The following XKR6 variants were observed in gnomAD, a reference collection of about 807,000 sequenced individuals.
The protein encoded by XKR6 is XK related 6, also known as XK-related protein 6.
Under a neutral mutation model 56.7 loss-of-function variants are expected in XKR6, and 22 were observed. The ratio of observed to expected loss-of-function variants is 0.39; its 90% CI spans 0.28 to 0.55. XKR6 has a LOEUF of 0.55. Among genes scored for constraint, XKR6 ranks in the 20% least tolerant of loss-of-function variants. The pLI is 0.66. For synonymous variants in XKR6, 524 were observed against 387.8 expected (o/e 1.35, Z -4.13); for missense variants, 852 against 889.0 (o/e 0.96, Z 0.53).
chr8:11,097,674 G>A (rs1464981764), intron 1 of XKR6, among the ~76,000 whole-genome samples: 1 of 151,618 alleles, frequency 6.6e-6, no homozygotes, highest in Non-Finnish European at 1.5e-5. Context: ...GGGCGTGGTG[G>A]TGCACACCTG....
intron 1 of XKR6, among the ~76,000 whole-genome samples, chr8:10,958,599 G>C (rs1801967384): frequency 6.6e-6 from 1 of 152,210 alleles, no homozygotes; most frequent in African/African-American, 2.4e-5. Flanking sequence ...GTAGAAATGG[G>C]TGTGATCACC....
intron 1 of XKR6, among the ~76,000 whole-genome samples, chr8:11,006,078 A>C (rs543053872): frequency 5.3e-5 from 8 of 152,172 alleles, no homozygotes; most frequent in African/African-American, 1.9e-4. Flanking sequence ...TCCTGACCTC[A>C]AGTGATCCGC....
chr8:10,987,791 G>T (rs1399583797), intron 1 of XKR6, among the ~76,000 whole-genome samples: 1 of 152,136 alleles, frequency 6.6e-6, no homozygotes, highest in Non-Finnish European at 1.5e-5. Flanking sequence ...TACCACTTCT[G>T]TCATCTCTAG....
intron 1 of XKR6, chr8:11,108,689 C>G (rs1390290572): frequency 9.4e-6 from 2 of 213,858 alleles, no homozygotes; most frequent in Non-Finnish European, 1.9e-5. Context: ...GAGCGACCTT[C>G]AAGATCTGAT....
chr8:10,906,544 A>G (rs1350986984), intron 2 of XKR6, among the ~76,000 whole-genome samples: 1 of 152,264 alleles, frequency 6.6e-6, no homozygotes, highest in Non-Finnish European at 1.5e-5. Flanking sequence ...ATGCTGGTGA[A>G]AAGTAATTGC....
intron 2 of XKR6, among the ~76,000 whole-genome samples, chr8:10,904,223 C>G (rs1182056426): frequency 6.6e-6 from 1 of 152,196 alleles, no homozygotes; most frequent in East Asian, 1.9e-4. Flanking sequence ...AGCATGCCCA[C>G]TGCGCTGACC....
chr8:10,961,440 T>G (rs1445812697), intron 1 of XKR6, among the ~76,000 whole-genome samples: 1 of 152,140 alleles, frequency 6.6e-6, no homozygotes, highest in African/African-American at 2.4e-5. Context: ...AGAGGCTGGC[T>G]AGGGGCGGCT....
chr8:11,121,565 G>A (rs1214722757), intron 1 of XKR6, among the ~76,000 whole-genome samples: 1 of 152,182 alleles, frequency 6.6e-6, no homozygotes, highest in Non-Finnish European at 1.5e-5. Context: ...GGAGAAACAG[G>A]AACACTTTTA....
At chr8:11,033,276 G>A (rs1478841029) in intron 1 of XKR6, among the ~76,000 whole-genome samples, 1 of 150,434 alleles carries the variant, frequency 6.6e-6, no homozygotes, top group Non-Finnish European at 1.5e-5. Context: ...TGATGGCGAT[G>A]ATGACGATAG....
At chr8:11,027,831 C>T (rs1798903721) in intron 1 of XKR6, among the ~76,000 whole-genome samples, 1 of 152,116 alleles carries the variant, frequency 6.6e-6, no homozygotes, top group Non-Finnish European at 1.5e-5. Flanking sequence ...CCCCCTGGCG[C>T]CTCCTACCTA....
rs182960860 is a variant in XKR6 at position 11,196,188 on chromosome 8, C to G, written c.764+4388G>C. On this transcript the variant is annotated intron_variant, in intron 1 of 2. Transcript: ENST00000416569. ...CCACAAAATCTTAGCATTAGAGGGA[C>G]ATTACAGATCACTTATCCCAACACC... 4.3e-3 allele frequency among the ~76,000 whole-genome samples: 662 copies of G among 152,198 alleles called. 2 individuals carry two copies. The highest frequency in any genetic ancestry group is 0.014 in the Middle Eastern group (4 of 294).
chr8:11,053,610 C>T (rs918050009), intron 1 of XKR6, among the ~76,000 whole-genome samples: 1 of 152,216 alleles, frequency 6.6e-6, no homozygotes, highest in African/African-American at 2.4e-5. Flanking sequence ...CAGATGAGCT[C>T]TGATTGACTG....
intron 2 of XKR6, among the ~76,000 whole-genome samples, chr8:10,916,285 G>A (rs1800561945): frequency 6.6e-6 from 1 of 152,184 alleles, no homozygotes; most frequent in Non-Finnish European, 1.5e-5. Context: ...CTCTGGTGCT[G>A]AGCTCAGATC....
At chr8:11,140,775 G>A (rs144745742) in intron 1 of XKR6, among the ~76,000 whole-genome samples, 3,518 of 151,826 alleles carry the variant, frequency 0.023, 136 homozygotes, top group African/African-American at 0.082. Flanking sequence ...GTGGGCGCCT[G>A]TAGTCCCAGC....
At chr8:11,137,917 C>T (rs1800489892) in intron 1 of XKR6, 3 of 355,214 alleles carry the variant, frequency 8.4e-6, no homozygotes, top group African/African-American at 2.1e-5. Flanking sequence ...AATCCTATTT[C>T]GTGACACAAC....
At chr8:11,177,711 A>G (rs1194261634) in intron 1 of XKR6, among the ~76,000 whole-genome samples, 1 of 152,232 alleles carries the variant, frequency 6.6e-6, no homozygotes, top group Non-Finnish European at 1.5e-5. Flanking sequence ...AGGAACCCCA[A>G]GGGTTGACTG....
chr8:11,058,315 C>T (rs1799738032), intron 1 of XKR6, among the ~76,000 whole-genome samples: 1 of 152,170 alleles, frequency 6.6e-6, no homozygotes. Flanking sequence ...CCAGCAATCC[C>T]ATTACTGGGT....
In XKR6 at chr8:11,045,075, C is replaced by CTTTTTTTTT. The variant is rs5889356; in HGVS notation, c.765-120254_765-120246dup. Among the ~76,000 whole-genome samples, 4 of 36,000 alleles carry CTTTTTTTTT rather than the reference C, an allele frequency of 1.1e-4. 2 individuals carry two copies. Among genetic ancestry groups the CTTTTTTTTT allele is most frequent in the Non-Finnish European group, 2.1e-4 (4 of 19,410 alleles). The allele number at this position is 36,000 out of a possible 152,430, so 23.6% of individuals were successfully genotyped here. On this transcript the variant is annotated intron_variant, in intron 1 of 2. Coordinates refer to ENST00000416569, the MANE Select transcript of XKR6 (RefSeq NM_173683.4). Reference sequence around the variant, plus strand: ...TTACCATTTCCACCCTCAAATCACTCTTTTTTTTTTTTTTTTTTTTTTTTT... The same window carrying CTTTTTTTTT: ...TTACCATTTCCACCCTCAAATCACTCTTTTTTTTTTTTTTTTTTTTTTTTTTTTTTTTTT...
chr8:11,077,922 T>C (rs998383363), intron 1 of XKR6, among the ~76,000 whole-genome samples: 6 of 151,846 alleles, frequency 4.0e-5, no homozygotes, highest in Non-Finnish European at 7.4e-5. Context: ...AGCCTCCCGG[T>C]GTCTACCTGC....
Sources: allele counts gnomAD v4.1 joint callset (sites outside exome capture counted in the v4.1 genomes callset), GRCh38; gene constraint gnomAD v4.1.1; transcripts MANE v1.5; gene names NCBI Gene and HGNC (gene_info 2026-07-23, HGNC 2026-07-21).